Variants in POMK observed in about 807,000 individuals in gnomAD.
The protein encoded by POMK is protein O-mannose kinase, also known as Sugen kinase 196.
In POMK, 19 loss-of-function variants were observed where a neutral mutation model predicts 23.0. The ratio of observed to expected loss-of-function variants is 0.83; its 90% confidence interval spans 0.58 to 1.21. The LOEUF (loss-of-function observed/expected upper bound fraction) is 1.21, where lower values mean the gene tolerates loss of function less well. Ranked by LOEUF, POMK falls within the 50% of genes most tolerant of loss-of-function variation. POMK has a pLI of 0.00. For synonymous variants in POMK, 173 were observed against 171.6 expected (o/e 1.01, Z -0.06); for missense variants, 410 against 431.3 (o/e 0.95, Z 0.44).
At chr8:43,099,218 C>T (rs1443782998) in intron 2 of POMK, among the ~76,000 whole-genome samples, 7 of 152,160 alleles carry the variant, frequency 4.6e-5, no homozygotes, top group South Asian at 2.1e-4. Flanking sequence ...CCCAAAGTGC[C>T]GGGATTACAA....
Position 43,117,626 on chromosome 8 carries a change from G to A in POMK, c.283-4481G>A, listed in dbSNP as rs557595383. 5.9e-5 allele frequency among the ~76,000 whole-genome samples: 9 copies of A among 152,298 alleles called. No homozygotes were observed. In the East Asian group the frequency reaches 1.5e-3, roughly 26 times the overall value. Reference sequence around the variant, plus strand: ...ACAACCCTATAGAAAATTGGATAAAGGACAGTGAACAGACTTTTGACAGCA... The same window carrying A: ...ACAACCCTATAGAAAATTGGATAAAAGACAGTGAACAGACTTTTGACAGCA... On this transcript the variant is annotated intron_variant, in intron 4 of 4. Transcript: ENST00000331373.
intron 1 of POMK, among the ~76,000 whole-genome samples, chr8:43,095,085 C>T (rs1290272720): frequency 6.6e-6 from 1 of 152,114 alleles, no homozygotes; most frequent in African/African-American, 2.4e-5. Context: ...ACCGGCAGTC[C>T]CAGGGTACCC....
At chr8:43,105,975 G>A (rs1354538468) in intron 4 of POMK, among the ~76,000 whole-genome samples, 1 of 152,172 alleles carries the variant, frequency 6.6e-6, no homozygotes, top group Non-Finnish European at 1.5e-5. Context: ...ATATCTCTTT[G>A]ATATATTGAT....
rs924037326 is a variant in POMK at position 43,115,771 on chromosome 8, T to C, written c.283-6336T>C. Among the ~76,000 whole-genome samples, 25 of 152,378 alleles carry C rather than the reference T, an allele frequency of 1.6e-4. No individual in the cohort carries two copies. The East Asian group carries it at 4.6e-3, about 28-fold the overall frequency. ...CATTCCTCTGCTCAAAATCCTTTGG[T>C]GCTCTCTGTCTCATTCTGAGTAAAA... is the stretch of plus-strand genomic sequence containing the variant. On this transcript the variant is annotated intron_variant, in intron 4 of 4. Coordinates refer to ENST00000331373, the MANE Select transcript of POMK (RefSeq NM_032237.5).
intron 2 of POMK, among the ~76,000 whole-genome samples, chr8:43,101,194 A>G (rs1453861771): frequency 6.6e-6 from 1 of 152,040 alleles, no homozygotes; most frequent in African/African-American, 2.4e-5. Flanking sequence ...AGGCTGACGC[A>G]GGAGGATTGC....
intron 2 of POMK, among the ~76,000 whole-genome samples, chr8:43,098,595 G>A (rs1811379741): frequency 6.6e-6 from 1 of 152,196 alleles, no homozygotes; most frequent in Non-Finnish European, 1.5e-5. Flanking sequence ...ATGAGTGTGT[G>A]TGTGAGTGTG....
intron 1 of POMK, among the ~76,000 whole-genome samples, chr8:43,096,444 C>G (rs1056842886): frequency 6.6e-6 from 1 of 151,742 alleles, no homozygotes; most frequent in Admixed American, 6.6e-5. Flanking sequence ...GGGCGGATCA[C>G]GAGGTCAGGA....
chr8:43,111,534 G>A (rs924001922), intron 4 of POMK, among the ~76,000 whole-genome samples: 6 of 152,202 alleles, frequency 3.9e-5, no homozygotes, highest in African/African-American at 7.2e-5. Flanking sequence ...TAACCTCTGC[G>A]GACTTAAATG....
At chr8:43,094,380 A>C (rs1279112887) in intron 1 of POMK, among the ~76,000 whole-genome samples, 1 of 152,116 alleles carries the variant, frequency 6.6e-6, no homozygotes, top group African/African-American at 2.4e-5. Context: ...ACCAAACCAA[A>C]ACAAAACAAA....
At chr8:43,119,433 CTTT>C (rs907663234) in intron 4 of POMK, among the ~76,000 whole-genome samples, 7 of 95,984 alleles carry the variant, frequency 7.3e-5, no homozygotes, top group African/African-American at 2.8e-4. Flanking sequence ...TGAAAAACAG[CTTT>C]TTTTTTTTTT....
At position 43,122,978 on chromosome 8, in the gene POMK, G is replaced by T; in HGVS notation, c.*101G>T. ...TTTTGCCTGAGTTTCGTGTTTTATT[G>T]TTTTTTTTATGGCTTAGCCATGTGG... On this transcript the variant is annotated 3_prime_UTR_variant, in exon 5 of 5. Coordinates refer to ENST00000331373, the MANE Select transcript of POMK (RefSeq NM_032237.5). 2 of 1,077,580 alleles carry T rather than the reference G, an allele frequency of 1.9e-6. No individual in the cohort carries two copies. Among genetic ancestry groups the T allele is most frequent in the South Asian group, 1.6e-5 (1 of 63,918 alleles). 66.8% of individuals were successfully genotyped at this position (1,077,580 alleles called of 1,614,324 possible). A position where few individuals can be genotyped will look rare whatever the true frequency, so the allele number is the denominator to read the frequency against.
intron 2 of POMK, among the ~76,000 whole-genome samples, chr8:43,099,207 T>A (rs1424493801): frequency 6.6e-6 from 1 of 152,364 alleles, no homozygotes; most frequent in East Asian, 1.9e-4. Context: ...CACCTTGGCC[T>A]CCCAAAGTGC....
At chr8:43,100,994 T>A (rs1811429113) in intron 2 of POMK, among the ~76,000 whole-genome samples, 1 of 151,944 alleles carries the variant, frequency 6.6e-6, no homozygotes. Context: ...GAGTCAGCAG[T>A]GTGAGGTCTG....
At chr8:43,116,261 A>G (rs1649317004) in intron 4 of POMK, among the ~76,000 whole-genome samples, 2 of 152,244 alleles carry the variant, frequency 1.3e-5, no homozygotes, top group South Asian at 2.1e-4. Context: ...GACCACATTA[A>G]CTAAGTTAAT....
intron 3 of POMK, among the ~76,000 whole-genome samples, chr8:43,102,929 A>G (rs1242926490): frequency 2.0e-5 from 3 of 152,212 alleles, no homozygotes; most frequent in Admixed American, 2.0e-4. Context: ...TGTACTTGTC[A>G]GCTCCTGTCC....
chr8:43,118,322 C>T lies in POMK; in HGVS notation c.283-3785C>T, dbSNP rs548292804. Among the ~76,000 whole-genome samples, 13 of 152,238 alleles carry T rather than the reference C, an allele frequency of 8.5e-5. No individual in the cohort carries two copies. The East Asian group carries it at 1.2e-3, about 14-fold the overall frequency. ...GAGCTGCAATGTATGTATGTTATAA[C>T]GCCATTAGTATAACAGCAAACCCAA... On this transcript the variant is annotated intron_variant, in intron 4 of 4. Transcript: ENST00000331373.
At chr8:43,105,107 TC>T (rs1475297239) in intron 4 of POMK, among the ~76,000 whole-genome samples, 1 of 152,228 alleles carries the variant, frequency 6.6e-6, no homozygotes, top group Admixed American at 6.5e-5. Context: ...CAGTGATGTT[TC>T]CATACCTACT....
chr8:43,121,602 T>C (rs1467116689), intron 4 of POMK, among the ~76,000 whole-genome samples: 1 of 152,252 alleles, frequency 6.6e-6, no homozygotes, highest in Admixed American at 6.5e-5. Flanking sequence ...TACGCCCTCA[T>C]GTAGGCTTTT....
chr8:43,111,789 C>A (rs776658975), intron 4 of POMK, among the ~76,000 whole-genome samples: 1 of 152,238 alleles, frequency 6.6e-6, no homozygotes. Flanking sequence ...GCAGCCCCCG[C>A]TGCTGATACC....
Sources: gnomAD v4.1 joint callset for allele counts (sites outside exome capture counted in the v4.1 genomes callset) on GRCh38, gnomAD v4.1.1 for gene constraint, MANE v1.5 for transcripts, NCBI Gene and HGNC (gene_info 2026-07-23, HGNC 2026-07-21) for gene names.